Variants in LIMS2 observed in about 807,000 individuals in gnomAD.
LIMS2 encodes LIM and senescent cell antigen-like-containing domain protein 2.
Under a neutral mutation model 45.3 loss-of-function variants are expected in LIMS2, and 30 were observed. The ratio of observed to expected loss-of-function variants is 0.66; its 90% CI spans 0.50 to 0.90. The LOEUF is 0.90. Among genes scored for constraint, LIMS2 ranks in the 40% least tolerant of loss-of-function variants. LIMS2 has a pLI of 0.00. For synonymous variants in LIMS2, 173 were observed against 188.0 expected (o/e 0.92, Z 0.65); for missense variants, 485 against 468.7 (o/e 1.03, Z -0.32).
chr2:127,657,482 C>T lies in LIMS2; in HGVS notation c.92G>A (p.Ser31Asn). The T allele has an allele frequency of 3.1e-6, 5 of 1,613,726 alleles. No homozygotes were observed. The highest frequency in any genetic ancestry group is 8.5e-7 in the Non-Finnish European group (1 of 1,179,964). ...RFSPAERIVN[S>N]NGELYHEHCF... ...GTGCTCATGGTACAGCTCCCCATTG[C>T]TGTTGACAATGCGCTCGGCGGGGGA... Residue 31 changes from serine (S) to asparagine (N), a missense_variant, in exon 2 of 10, where the codon AGC (serine) becomes AAC (asparagine). Coordinates refer to ENST00000355119, the MANE Select transcript of LIMS2 (RefSeq NM_001161403.3).
rs563179688 is a variant in LIMS2 at position 127,642,967 on chromosome 2, C to T, written c.465G>A (p.Arg155=). ...LVIDEQPLMF[R]SDAYHPDHFN... ...AGTGGTCAGGGTGGTAGGCGTCGCT[C>T]CTGAACATGAGGGGCTGCTCGTCGA... The change falls in exon 5 of 10, where the codon AGG becomes AGA. Residue 155 remains arginine, a synonymous_variant. Coordinates refer to ENST00000355119, the MANE Select transcript of LIMS2 (RefSeq NM_001161403.3). The surrounding 1 kb of genome is among the most constrained non-coding windows in gnomAD (Gnocchi z 5.3). 6.7e-5 allele frequency: 106 copies of T among 1,570,892 alleles called. 1 individual carries two copies. In the South Asian group the frequency reaches 1.2e-3, roughly 18 times the overall value.
intron 1 of LIMS2, chr2:127,681,317 T>G (rs1433286181): frequency 6.6e-6 from 1 of 152,430 alleles, no homozygotes; most frequent in African/African-American, 2.4e-5. Context: ...ACAGAGTCTT[T>G]ACCTCTGTGG....
rs750223553 is a variant in LIMS2 at position 127,639,459 on chromosome 2, C to T, written c.879-31G>A. Reference sequence around the variant, plus strand: ...GAGGAAGCTGAGCTGTCAGCAGAGCCCCACGCCCACCCCTTTAACCCCAGA... The same window carrying T: ...GAGGAAGCTGAGCTGTCAGCAGAGCTCCACGCCCACCCCTTTAACCCCAGA... On this transcript the variant is annotated intron_variant, in intron 9 of 9. Coordinates refer to ENST00000355119, the MANE Select transcript of LIMS2 (RefSeq NM_001161403.3). The T allele has an allele frequency of 1.1e-5, 18 of 1,610,544 alleles. 1 individual carries two copies. The South Asian group carries it at 2.0e-4, about 18-fold the overall frequency.
chr2:127,640,432 C>T, intron 7 of LIMS2, 114 bp from the exon 8 acceptor site: 1 of 1,181,320 alleles, frequency 8.5e-7, no homozygotes, highest in South Asian at 1.3e-5. Flanking sequence ...CTCCCAGGCC[C>T]TGCCTCCCAG....
chr2:127,644,983 C>A (rs1337208460), intron 4 of LIMS2, among the ~76,000 whole-genome samples: 1 of 152,250 alleles, frequency 6.6e-6, no homozygotes, highest in African/African-American at 2.4e-5. Flanking sequence ...ATCACAGCAT[C>A]AGATCTAAAG....
At chr2:127,665,090 C>G (rs538517177) in intron 1 of LIMS2, among the ~76,000 whole-genome samples, 1 of 152,156 alleles carries the variant, frequency 6.6e-6, no homozygotes, top group Non-Finnish European at 1.5e-5. Context: ...CCATGTACCC[C>G]GCATTTTTAC....
chr2:127,640,303 AGACGTCCCCGAAGAGCTGTGG>A lies in LIMS2; in HGVS notation c.754-6_768del. ...TCAATCACATGGCTGCAGTTGTAGC[AGACGTCCCCGAAGAGCTGTGG>A]GCCGAGCAGGCTGTCAGAGTAGCTG... is the stretch of plus-strand genomic sequence containing the variant. On this transcript the variant is annotated splice_acceptor_variant and splice_polypyrimidine_tract_variant and coding_sequence_variant and intron_variant, in exon 8 of 10. Coordinates refer to ENST00000355119, the MANE Select transcript of LIMS2 (RefSeq NM_001161403.3). LOFTEE classifies it high-confidence loss of function. 1 of 1,613,088 alleles carries A rather than the reference AGACGTCCCCGAAGAGCTGTGG, an allele frequency of 6.2e-7. No individual in the cohort carries two copies. The highest frequency in any genetic ancestry group is 8.5e-7 in the Non-Finnish European group (1 of 1,179,954).
chr2:127,670,153 T>C (rs1685212587), intron 1 of LIMS2, among the ~76,000 whole-genome samples: 1 of 152,142 alleles, frequency 6.6e-6, no homozygotes, highest in Admixed American at 6.5e-5. Context: ...AAGGAGAAAA[T>C]GTATGTTCAC....
At chr2:127,669,749 A>C (rs528585954) in intron 1 of LIMS2, among the ~76,000 whole-genome samples, 1 of 152,270 alleles carries the variant, frequency 6.6e-6, no homozygotes, top group South Asian at 2.1e-4. Context: ...CATATGTCTG[A>C]GAAGTGTCTA....
Position 127,647,964 on chromosome 2 carries a change from GC to G in LIMS2, c.360-4893del, listed in dbSNP as rs1162443139. On this transcript the variant is annotated intron_variant, in intron 4 of 9. Coordinates refer to ENST00000355119, the MANE Select transcript of LIMS2 (RefSeq NM_001161403.3). The surrounding 1 kb of genome is among the most constrained non-coding windows in gnomAD (Gnocchi z 4.3). ...TCCCTCCTTTTACCTCTCCTCCACA[GC>G]CCCCTTCACAGCCCTCAGCCCTTCC... 1 of 945,338 alleles carries G rather than the reference GC, an allele frequency of 1.1e-6. No individual in the cohort carries two copies. The highest frequency in any genetic ancestry group is 1.3e-6 in the Non-Finnish European group (1 of 793,472). 58.6% of individuals were successfully genotyped at this position (945,338 alleles called of 1,614,324 possible).
chr2:127,650,662 G>A (rs1047914523), intron 4 of LIMS2: 44 of 1,270,212 alleles, frequency 3.5e-5, no homozygotes, highest in Middle Eastern at 1.9e-4. Context: ...TTCAGAGAGC[G>A]TGAAGCTGCC....
At chr2:127,652,092 A>G (rs1683865622) in intron 4 of LIMS2, 1 of 335,342 alleles carries the variant, frequency 3.0e-6, no homozygotes, top group Non-Finnish European at 5.8e-6. Flanking sequence ...TTCCCGCTAC[A>G]GAATCGCTCA....
intron 1 of LIMS2, chr2:127,674,784 G>A: frequency 1.0e-6 from 1 of 985,412 alleles, no homozygotes; most frequent in Non-Finnish European, 1.2e-6. Context: ...GCGGGCGGGT[G>A]GGCAGGAGCT....
chr2:127,649,949 T>C (rs535337608), intron 4 of LIMS2: 334 of 1,393,356 alleles, frequency 2.4e-4, no homozygotes, highest in Middle Eastern at 1.8e-3. Flanking sequence ...GAGAAAATAC[T>C]CCCAGCTGGC....
At chr2:127,640,434 GCCTCC>G in intron 7 of LIMS2, 116 bp from the exon 8 acceptor site, 6 of 1,098,040 alleles carry the variant, frequency 5.5e-6, no homozygotes, top group Non-Finnish European at 8.1e-6. Context: ...CCCAGGCCCT[GCCTCC>G]CAGGGCCCAG....
At chr2:127,649,379 C>A (rs911461705) in intron 4 of LIMS2, among the ~76,000 whole-genome samples, 1 of 152,350 alleles carries the variant, frequency 6.6e-6, no homozygotes, top group Admixed American at 6.5e-5. Context: ...CTTATGCAAA[C>A]CTCTCTCCAG....
chr2:127,664,555 C>T lies in LIMS2; in HGVS notation c.12-6993G>A. 8.7e-7 allele frequency: 1 copy of T among 1,149,746 alleles called. No homozygotes were observed. The highest frequency in any genetic ancestry group is 1.1e-6 in the Non-Finnish European group (1 of 935,824). 71.2% of individuals were successfully genotyped at this position (1,149,746 alleles called of 1,614,324 possible). ...GCGAGCTCACGTTACGCGCTGGGAT[C>T]TCCAAAGGGCAGCAGAGTCAACTCC... On this transcript the variant is annotated intron_variant, in intron 1 of 9. Coordinates refer to ENST00000355119, the MANE Select transcript of LIMS2 (RefSeq NM_001161403.3). The surrounding 1 kb of genome is among the most constrained non-coding windows in gnomAD (Gnocchi z 5.5).
chr2:127,651,450 A>G (rs763565363), intron 4 of LIMS2: 1 of 1,613,002 alleles, frequency 6.2e-7, no homozygotes, highest in East Asian at 2.2e-5. Context: ...CATGATCGCC[A>G]TAGTGCTGGC....
chr2:127,663,701 A>T (rs1417528123), intron 1 of LIMS2, among the ~76,000 whole-genome samples: 3 of 143,824 alleles, frequency 2.1e-5, no homozygotes, highest in African/African-American at 7.7e-5. Flanking sequence ...GATGCCAAGG[A>T]CCCCAAGGTC....
Sources: gnomAD v4.1 joint callset for allele counts (sites outside exome capture counted in the v4.1 genomes callset) on GRCh38, gnomAD v4.1.1 for gene constraint, Gnocchi (gnomAD v3.1) non-coding constraint, MANE v1.5 for transcripts, NCBI Gene and HGNC (gene_info 2026-07-23, HGNC 2026-07-21) for gene names.